ADGRB3: variants seen among roughly 807,000 people sequenced by gnomAD.
ADGRB3 encodes the protein brain-specific angiogenesis inhibitor 3.
ADGRB3 carries 37 observed loss-of-function variants against 193.4 expected under a neutral mutation model. That is an observed-to-expected ratio of 0.19 (90% confidence interval 0.15 to 0.25). The LOEUF (loss-of-function observed/expected upper bound fraction) is 0.25. Ranked by LOEUF, ADGRB3 falls within the 10% of genes least tolerant of loss-of-function variation. The pLI is 1.00. For missense variants in ADGRB3, 1,637 were observed against 1,852.9 expected (o/e 0.88, Z 2.14); for synonymous variants, 690 against 644.2 (o/e 1.07, Z -1.08).
intron 16 of ADGRB3, among the ~76,000 whole-genome samples, chr6:69,074,188 C>T (rs1194577526): frequency 6.6e-6 from 1 of 151,810 alleles, no homozygotes; most frequent in African/African-American, 2.4e-5. Flanking sequence ...GATATGTGGC[C>T]TTTCAGGGAA....
rs1562129394 is a variant in ADGRB3 at position 69,031,542 on chromosome 6, T to TTTC, written c.2107+13046_2107+13048dup. On this transcript the variant is annotated intron_variant, in intron 13 of 31. Transcript: ENST00000370598. ...GTCTCTTTCTTTCTTTCTTTCTTTC[T>TTTC]TTCTTTCTTTTTCTTTCTTTCTTTT... Among the ~76,000 whole-genome samples the TTTC allele has an allele frequency of 3.3e-5, 2 of 60,948 alleles. 1 individual carries two copies. Among genetic ancestry groups the TTTC allele is most frequent in the Non-Finnish European group, 7.4e-5 (2 of 26,948 alleles). 40.0% of individuals were successfully genotyped at this position (60,948 alleles called of 152,430 possible).
chr6:69,010,009 A>G (rs1266904318), intron 11 of ADGRB3, among the ~76,000 whole-genome samples: 3 of 152,160 alleles, frequency 2.0e-5, no homozygotes, highest in Non-Finnish European at 2.9e-5. Context: ...ATTGCTTTCC[A>G]TAAAATAAAG....
chr6:69,154,668 T>G (rs1349925087), intron 17 of ADGRB3, among the ~76,000 whole-genome samples: 1 of 152,226 alleles, frequency 6.6e-6, no homozygotes, highest in Admixed American at 6.5e-5. Flanking sequence ...CTTGTGTTAG[T>G]GTCAGTCCCT....
chr6:69,033,604 C>T (rs79911876), intron 13 of ADGRB3, among the ~76,000 whole-genome samples: 8,705 of 152,082 alleles, frequency 0.057, 260 homozygotes, highest in African/African-American at 0.079. Context: ...GCTAGTTTAG[C>T]ATATTTTTTT....
At chr6:68,781,680 A>AG (rs1321733920) in intron 3 of ADGRB3, among the ~76,000 whole-genome samples, 7 of 152,082 alleles carry the variant, frequency 4.6e-5, no homozygotes, top group Non-Finnish European at 7.4e-5. Context: ...AAAAACAGGC[A>AG]GGGGAGGGTG....
At chr6:69,049,735 A>G (rs1264535427) in intron 15 of ADGRB3, among the ~76,000 whole-genome samples, 2 of 152,184 alleles carry the variant, frequency 1.3e-5, no homozygotes, top group Non-Finnish European at 2.9e-5. Flanking sequence ...AAGGAGTGTC[A>G]TGATGACTGG....
chr6:69,039,901 C>A (rs1004542856), intron 13 of ADGRB3, among the ~76,000 whole-genome samples: 1 of 151,738 alleles, frequency 6.6e-6, no homozygotes, highest in African/African-American at 2.4e-5. Context: ...GCCACCACAC[C>A]CAGCTAATTT....
intron 25 of ADGRB3, 47 bp from the exon 26 acceptor site, chr6:69,339,285 TG>T: frequency 1.9e-6 from 3 of 1,591,036 alleles, no homozygotes; most frequent in Non-Finnish European, 2.6e-6. Flanking sequence ...GGCTATGGCC[TG>T]GGGTGTGATG....
intron 3 of ADGRB3, among the ~76,000 whole-genome samples, chr6:68,822,484 G>C (rs1767765021): frequency 6.6e-6 from 1 of 151,838 alleles, no homozygotes; most frequent in Admixed American, 6.6e-5. Context: ...TATTTGAGAT[G>C]CATTGTCATA....
At chr6:68,879,429 C>T (rs925057741) in intron 3 of ADGRB3, among the ~76,000 whole-genome samples, 4 of 151,794 alleles carry the variant, frequency 2.6e-5, no homozygotes, top group African/African-American at 4.8e-5. Context: ...GGGGTTTCAC[C>T]GTGTTAGCCA....
intron 3 of ADGRB3, among the ~76,000 whole-genome samples, chr6:68,725,737 C>A (rs909595542): frequency 1.1e-4 from 16 of 151,510 alleles, no homozygotes; most frequent in African/African-American, 3.9e-4. Flanking sequence ...GCATTATTAG[C>A]AACTGCAAGT....
chr6:69,259,491 C>T (rs752372702), intron 20 of ADGRB3, among the ~76,000 whole-genome samples: 9 of 152,006 alleles, frequency 5.9e-5, no homozygotes, highest in South Asian at 2.1e-4. Flanking sequence ...GCCAGGAGAT[C>T]GAGACCATCC....
At chr6:69,213,134 A>G (rs1216594012) in intron 17 of ADGRB3, among the ~76,000 whole-genome samples, 1 of 152,180 alleles carries the variant, frequency 6.6e-6, no homozygotes, top group Non-Finnish European at 1.5e-5. Context: ...AAGTGCATGC[A>G]CATGAACAAA....
chr6:69,327,778 G>C, intron 21 of ADGRB3, 42 bp from the exon 22 acceptor site: 2 of 1,585,080 alleles, frequency 1.3e-6, no homozygotes, highest in South Asian at 1.1e-5. Context: ...ATGCATAGTG[G>C]TTATAGCTAA....
chr6:68,784,610 C>T (rs1672923593), intron 3 of ADGRB3, among the ~76,000 whole-genome samples: 1 of 152,098 alleles, frequency 6.6e-6, no homozygotes, highest in Admixed American at 6.6e-5. Context: ...TAAATTTCCT[C>T]AGTAAATAAA....
chr6:69,079,908 GAAAAC>G, intron 17 of ADGRB3, among the ~76,000 whole-genome samples: 1 of 152,072 alleles, frequency 6.6e-6, no homozygotes, highest in Middle Eastern at 3.4e-3. Flanking sequence ...TCTTGTTGTT[GAAAAC>G]AAAAGCTTCT....
At chr6:68,900,769 C>G (rs1213821156) in intron 3 of ADGRB3, among the ~76,000 whole-genome samples, 1 of 152,040 alleles carries the variant, frequency 6.6e-6, no homozygotes, top group Non-Finnish European at 1.5e-5. Flanking sequence ...CAGCACTAGT[C>G]CCCTGGAGCA....
At chr6:68,939,938 C>CA (rs1181098176) in intron 5 of ADGRB3, among the ~76,000 whole-genome samples, 1 of 152,106 alleles carries the variant, frequency 6.6e-6, no homozygotes, top group Non-Finnish European at 1.5e-5. Context: ...TCACTTTCCA[C>CA]AAAATGTGTG....
chr6:69,181,324 A>G (rs1178015014), intron 17 of ADGRB3, among the ~76,000 whole-genome samples: 1 of 152,088 alleles, frequency 6.6e-6, no homozygotes, highest in South Asian at 2.1e-4. Context: ...ATCATGATCT[A>G]TGTCCATCAC....
Sources: gnomAD v4.1 joint callset for allele counts (sites outside exome capture counted in the v4.1 genomes callset) on GRCh38, gnomAD v4.1.1 for gene constraint, MANE v1.5 for transcripts, NCBI Gene and HGNC (gene_info 2026-07-23, HGNC 2026-07-21) for gene names.